ANXA11: variants seen among roughly 807,000 people sequenced by gnomAD.
The protein encoded by ANXA11 is 56 kDa autoantigen.
A neutral mutation model predicts 64.7 loss-of-function variants in ANXA11; 57 were observed. The ratio of observed to expected loss-of-function variants is 0.88; its 90% CI spans 0.71 to 1.10. The LOEUF is 1.10. Among genes scored for constraint, ANXA11 ranks in the 50% least tolerant of loss-of-function variants. ANXA11 has a pLI of 0.00. For missense variants in ANXA11, 675 were observed against 670.7 expected (o/e 1.01, Z -0.07); for synonymous variants, 260 against 265.2 (o/e 0.98, Z 0.19).
intron 2 of ANXA11, among the ~76,000 whole-genome samples, chr10:80,175,658 C>A (rs1846143670): frequency 6.6e-6 from 1 of 151,912 alleles, no homozygotes; most frequent in Non-Finnish European, 1.5e-5. Flanking sequence ...AGATCAATAA[C>A]CACTAGAGAA....
chr10:80,202,417 A>G (rs1840472516), intron 1 of ANXA11, among the ~76,000 whole-genome samples: 1 of 152,208 alleles, frequency 6.6e-6, no homozygotes, highest in African/African-American at 2.4e-5. Context: ...TTCATGGGTT[A>G]TAGGAGATAG....
At chr10:80,182,958 A>G (rs191043978) in intron 1 of ANXA11, among the ~76,000 whole-genome samples, 1 of 152,004 alleles carries the variant, frequency 6.6e-6, no homozygotes, top group Non-Finnish European at 1.5e-5. Context: ...CAGTGTGGGG[A>G]AAAAAAACAC....
rs963030260 is a variant in ANXA11 at position 80,171,969 on chromosome 10, C to T, written c.55+838G>A. 2.4e-5 allele frequency: 23 copies of T among 962,732 alleles called. No homozygotes were observed. In the African/African-American group the frequency reaches 3.9e-4, roughly 16 times the overall value. The allele number at this position is 962,732 out of a possible 1,614,324, so 59.6% of individuals were successfully genotyped here. A position where few individuals can be genotyped will look rare whatever the true frequency, so the allele number is the denominator to read the frequency against. ...AGCTGAGCCACCTCTAGGTCTGAGT[C>T]TGTTCTTCACCTGCTGAATGGGAGG... On this transcript the variant is annotated intron_variant, in intron 3 of 15. Coordinates refer to ENST00000422982, the MANE Select transcript of ANXA11 (RefSeq NM_145868.2).
At chr10:80,188,274 T>C (rs1414235719) in intron 1 of ANXA11, among the ~76,000 whole-genome samples, 1 of 151,862 alleles carries the variant, frequency 6.6e-6, no homozygotes, top group Non-Finnish European at 1.5e-5. Flanking sequence ...ACAGCTCTGA[T>C]ATCATCTTCT....
At chr10:80,178,247 A>G (rs986572822) in intron 1 of ANXA11, among the ~76,000 whole-genome samples, 17 of 151,958 alleles carry the variant, frequency 1.1e-4, no homozygotes, top group African/African-American at 3.9e-4. Flanking sequence ...CATCCATGAG[A>G]ATCATACCTT....
chr10:80,179,450 G>A (rs1171327208), intron 1 of ANXA11, among the ~76,000 whole-genome samples: 1 of 152,194 alleles, frequency 6.6e-6, no homozygotes, highest in African/African-American at 2.4e-5. Flanking sequence ...TTTCTTTATA[G>A]TCGTGTGAGA....
chr10:80,198,042 G>T (rs1840252601), intron 1 of ANXA11, among the ~76,000 whole-genome samples: 1 of 152,214 alleles, frequency 6.6e-6, no homozygotes. Flanking sequence ...AGACCTGACG[G>T]CTGGGAGCAG....
chr10:80,160,376 T>C (rs1388555361), intron 12 of ANXA11, among the ~76,000 whole-genome samples: 1 of 152,208 alleles, frequency 6.6e-6, no homozygotes, highest in African/African-American at 2.4e-5. Context: ...CAGCTGTTAC[T>C]AGCTGTGCAC....
At chr10:80,172,711 A>G (rs1846025950) in intron 3 of ANXA11, 96 bp downstream of exon 3, 2 of 1,234,208 alleles carry the variant, frequency 1.6e-6, no homozygotes, top group Admixed American at 1.7e-5. Context: ...CTGTGAGGGG[A>G]GGAGGGGAGT....
At chr10:80,180,683 T>TAC (rs140861029) in intron 1 of ANXA11, among the ~76,000 whole-genome samples, 2,310 of 151,826 alleles carry the variant, frequency 0.015, 59 homozygotes, top group African/African-American at 0.053. Flanking sequence ...AACCTGTTTT[T>TAC]ACACACACAC....
chr10:80,189,436 T>C (rs752298270), intron 1 of ANXA11, among the ~76,000 whole-genome samples: 26 of 152,136 alleles, frequency 1.7e-4, no homozygotes, highest in Non-Finnish European at 3.4e-4. Flanking sequence ...AACCATGTGG[T>C]AAAATAGTGC....
intron 12 of ANXA11, 69 bp from the exon 13 acceptor site, chr10:80,159,264 C>T (rs1451736292): frequency 7.8e-7 from 1 of 1,288,058 alleles, no homozygotes; most frequent in Non-Finnish European, 1.1e-6. Flanking sequence ...TGTGGAAGTC[C>T]CAACTCCCAG....
chr10:80,185,038 C>A (rs1414978161), intron 1 of ANXA11, among the ~76,000 whole-genome samples: 1 of 152,154 alleles, frequency 6.6e-6, no homozygotes, highest in Non-Finnish European at 1.5e-5. Context: ...TGTATTTGGC[C>A]TGCAGGGCAA....
chr10:80,167,432 G>A, intron 5 of ANXA11, 119 bp from the exon 6 acceptor site: 1 of 830,258 alleles, frequency 1.2e-6, no homozygotes. Context: ...GTATCTAAAG[G>A]AGTCCACAGT....
chr10:80,182,000 T>C (rs1846372102), intron 1 of ANXA11, among the ~76,000 whole-genome samples: 1 of 152,184 alleles, frequency 6.6e-6, no homozygotes, highest in Admixed American at 6.5e-5. Context: ...TTCACAGTAG[T>C]GTTATTCATA....
chr10:80,204,418 T>TGGGCAGGGCA (rs573326665), intron 1 of ANXA11, among the ~76,000 whole-genome samples: 1 of 151,478 alleles, frequency 6.6e-6, no homozygotes, highest in African/African-American at 2.4e-5. Context: ...CCCTGTTGCG[T>TGGGCAGGGCA]GGGCAGGGCA....
Position 80,198,788 on chromosome 10 carries a change from C to A in ANXA11, c.-58+6555G>T, listed in dbSNP as rs116236035. Among the ~76,000 whole-genome samples, 875 of 152,172 alleles carry A rather than the reference C, an allele frequency of 5.8e-3. 11 individuals carry two copies. Among genetic ancestry groups the A allele is most frequent in the African/African-American group, 0.02 (824 of 41,496 alleles). ...GAGAGAGAGACGGGGCTCCTCTCTT[C>A]ATTCACAACCAAACCTGAAACGTAA... On this transcript the variant is annotated intron_variant, in intron 1 of 15. Transcript: ENST00000422982.
In ANXA11 at chr10:80,177,697, T is replaced by TC. The variant is rs374891755; in HGVS notation, c.-57-1543dup. On this transcript the variant is annotated intron_variant, in intron 1 of 15. Coordinates refer to ENST00000422982, the MANE Select transcript of ANXA11 (RefSeq NM_145868.2). ...GTGGGTGCAGGCATTTAACCAGCTC[T>TC]CCCCCAACTCACTCTGCCACCACCC... Among the ~76,000 whole-genome samples, 851 of 152,036 alleles carry TC rather than the reference T, an allele frequency of 5.6e-3. 11 individuals carry two copies. Among genetic ancestry groups the TC allele is most frequent in the Middle Eastern group, 0.031 (9 of 294 alleles).
intron 15 of ANXA11, chr10:80,157,157 A>G: frequency 1.0e-6 from 1 of 972,328 alleles, no homozygotes; most frequent in Non-Finnish European, 1.2e-6. Flanking sequence ...GATTTAAGGG[A>G]GCCATTCAAG....
Sources: gnomAD v4.1 joint callset for allele counts (sites outside exome capture counted in the v4.1 genomes callset) on GRCh38, gnomAD v4.1.1 for gene constraint, MANE v1.5 for transcripts, NCBI Gene and HGNC (gene_info 2026-07-23, HGNC 2026-07-21) for gene names.